Variants in ATOSA observed in about 807,000 individuals in gnomAD.
The protein encoded by ATOSA is atos homolog A.
At chr15:52,663,786 A>AC in the ATOSA span, among the ~76,000 whole-genome samples, 1 of 150,510 alleles carries the variant, frequency 6.6e-6, no homozygotes, top group Non-Finnish European at 1.5e-5. Context: ...AGCCCAGCTA[A>AC]TTTTTTTTTT....
chr15:52,685,674 T>A, the ATOSA span, among the ~76,000 whole-genome samples: 1 of 152,104 alleles, frequency 6.6e-6, no homozygotes, highest in Admixed American at 6.6e-5. Flanking sequence ...GCTCAAGTGA[T>A]CTGCCTGGCC....
chr15:52,696,465 T>G, the ATOSA span, among the ~76,000 whole-genome samples: 1 of 152,204 alleles, frequency 6.6e-6, no homozygotes, highest in Non-Finnish European at 1.5e-5. Context: ...TGGGGTACCC[T>G]TCTCATTACA....
chr15:52,637,060 T>G, the ATOSA span, among the ~76,000 whole-genome samples: 6 of 152,122 alleles, frequency 3.9e-5, no homozygotes, highest in Non-Finnish European at 8.8e-5. Flanking sequence ...AAGGGAAACT[T>G]AAGAGGAAGA....
chr15:52,593,663 C>G, the ATOSA span: 1 of 1,559,882 alleles, frequency 6.4e-7, no homozygotes. Context: ...GCAGAAAGCA[C>G]CACTTGCCCC....
chr15:52,697,350 T>G, the ATOSA span, among the ~76,000 whole-genome samples: 1 of 152,024 alleles, frequency 6.6e-6, no homozygotes, highest in Non-Finnish European at 1.5e-5. Flanking sequence ...TGTTATACAC[T>G]GCTTTTCACA....
the ATOSA span, among the ~76,000 whole-genome samples, chr15:52,591,621 A>C: frequency 1.8e-3 from 271 of 152,322 alleles, 1 homozygote; most frequent in East Asian, 0.025. Context: ...GAAACTGATC[A>C]GATTCTTGAT....
the ATOSA span, among the ~76,000 whole-genome samples, chr15:52,583,549 C>T: frequency 6.6e-6 from 1 of 152,236 alleles, no homozygotes; most frequent in African/African-American, 2.4e-5. Flanking sequence ...CCACGCCTGG[C>T]TAATTTTTGT....
chr15:52,698,603 A>C, the ATOSA span, among the ~76,000 whole-genome samples: 1 of 152,362 alleles, frequency 6.6e-6, no homozygotes, highest in African/African-American at 2.4e-5. Flanking sequence ...TGTTGACTGA[A>C]AGAAGTCAGA....
At chr15:52,685,535 A>C in the ATOSA span, among the ~76,000 whole-genome samples, 3 of 151,826 alleles carry the variant, frequency 2.0e-5, no homozygotes, top group Admixed American at 6.6e-5. Flanking sequence ...CCAGGCTTAA[A>C]TGATCCTCCT....
the ATOSA span, chr15:52,649,910 C>T: frequency 6.6e-6 from 1 of 152,082 alleles, no homozygotes; most frequent in Admixed American, 6.6e-5. Flanking sequence ...ATGGCAAAGC[C>T]TCTGTGTGAC....
the ATOSA span, among the ~76,000 whole-genome samples, chr15:52,684,147 C>T: frequency 6.6e-6 from 1 of 152,170 alleles, no homozygotes; most frequent in Non-Finnish European, 1.5e-5. Context: ...ACTGCTCTGG[C>T]CAATACAGTA....
the ATOSA span, among the ~76,000 whole-genome samples, chr15:52,651,391 T>C: frequency 1.3e-5 from 2 of 152,238 alleles, no homozygotes; most frequent in Non-Finnish European, 2.9e-5. Flanking sequence ...CCTTAAACTA[T>C]GTCAAAAATC....
chr15:52,640,174 T>C, the ATOSA span, among the ~76,000 whole-genome samples: 1 of 152,210 alleles, frequency 6.6e-6, no homozygotes, highest in Non-Finnish European at 1.5e-5. Context: ...AATAGGCCCA[T>C]TGTACATGTA....
the ATOSA span, chr15:52,582,358 G>T: frequency 4.2e-6 from 6 of 1,434,324 alleles, no homozygotes; most frequent in South Asian, 4.2e-5. Context: ...GTCTTTAAAA[G>T]AAACTAGAAT....
chr15:52,631,935 C>T, the ATOSA span, among the ~76,000 whole-genome samples: 3 of 152,204 alleles, frequency 2.0e-5, no homozygotes, highest in South Asian at 4.1e-4. Flanking sequence ...AGACAGGAGC[C>T]TTGCTATGTT....
chr15:52,611,884 A>C, the ATOSA span: 1 of 993,964 alleles, frequency 1.0e-6, no homozygotes, highest in East Asian at 2.6e-5. Flanking sequence ...GAAATGAGTC[A>C]GCTATTGCAG....
chr15:52,592,764 A>C, the ATOSA span, among the ~76,000 whole-genome samples: 5 of 152,350 alleles, frequency 3.3e-5, no homozygotes, highest in East Asian at 9.6e-4. Context: ...TGTGGGCTGT[A>C]GGCCGGACAA....
At chr15:52,685,970 A>T in the ATOSA span, among the ~76,000 whole-genome samples, 2 of 151,962 alleles carry the variant, frequency 1.3e-5, no homozygotes, top group Non-Finnish European at 2.9e-5. Flanking sequence ...CACTCAAGTG[A>T]TCTTCCCACC....
chr15:52,611,881 G>C, the ATOSA span: 1 of 1,032,280 alleles, frequency 9.7e-7, no homozygotes, highest in Non-Finnish European at 1.4e-6. Context: ...TGAGAAATGA[G>C]TCAGCTATTG....
Sources: allele counts gnomAD v4.1 joint callset (sites outside exome capture counted in the v4.1 genomes callset), GRCh38; gene constraint gnomAD v4.1.1; transcripts MANE v1.5; gene names NCBI Gene and HGNC (gene_info 2026-07-23, HGNC 2026-07-21).